The following TMPRSS7 variants were observed in gnomAD, a reference collection of about 807,000 sequenced individuals.
TMPRSS7 encodes transmembrane protease serine 7.
A neutral mutation model predicts 95.6 loss-of-function variants in TMPRSS7; 81 were observed. That is an observed-to-expected ratio of 0.85 (90% confidence interval 0.71 to 1.02). TMPRSS7 has a LOEUF of 1.02. TMPRSS7 is among the 50% of genes least tolerant of loss of function. The pLI is 0.00. For synonymous variants in TMPRSS7, 364 were observed against 337.8 expected (o/e 1.08, Z -0.85); for missense variants, 945 against 955.2 (o/e 0.99, Z 0.14).
chr3:112,057,090 G>A (rs1040622768), exon 10 of TMPRSS7: 6 of 1,613,362 alleles, frequency 3.7e-6, no homozygotes, highest in Non-Finnish European at 5.1e-6. Context: ...AGAAGAGTAT[G>A]AAAGGCTGTG....
chr3:112,050,528 A>AAAAAAAAAAAAAAG (rs2073332276), intron 8 of TMPRSS7, 143 bp from the exon 9 acceptor site: 1 of 355,724 alleles, frequency 2.8e-6, no homozygotes, highest in South Asian at 7.5e-5. Context: ...TTCTGAAAAA[A>AAAAAAAAAAAAAAG]AAAAAAAAAA....
At chr3:112,047,789 C>T in exon 7 of TMPRSS7, 2 of 1,614,064 alleles carry the variant, frequency 1.2e-6, no homozygotes, top group South Asian at 1.1e-5. Context: ...TCTCCACTAC[C>T]CGCTGGAGAT....
At chr3:112,072,886 G>A (rs2073667579) in intron 13 of TMPRSS7, among the ~76,000 whole-genome samples, 1 of 152,254 alleles carries the variant, frequency 6.6e-6, no homozygotes, top group East Asian at 1.9e-4. Flanking sequence ...ACGTGTGCAT[G>A]TGTCTTTATA....
In TMPRSS7 at chr3:112,066,516, C is replaced by A; in HGVS notation, c.1666+14C>A. On this transcript the variant is annotated intron_variant, in intron 13 of 17. Coordinates refer to ENST00000452346, the Ensembl canonical transcript of TMPRSS7. Reference sequence around the variant, plus strand: ...ACTGCACTCAAAGTGAGGGAGAGTCCTCTGTGCCCTGCTGTTCCTCCTATG... The same window carrying A: ...ACTGCACTCAAAGTGAGGGAGAGTCATCTGTGCCCTGCTGTTCCTCCTATG... 1.2e-6 allele frequency: 2 copies of A among 1,606,674 alleles called. No homozygotes were observed. Among genetic ancestry groups the A allele is most frequent in the South Asian group, 2.2e-5 (2 of 90,856 alleles).
At chr3:112,077,390 G>A (rs1317456759) in intron 16 of TMPRSS7, among the ~76,000 whole-genome samples, 3 of 152,124 alleles carry the variant, frequency 2.0e-5, no homozygotes, top group Admixed American at 2.0e-4. Context: ...AGGCAGGATT[G>A]ACTAGATAGT....
chr3:112,079,509 T>A (rs1446009527), intron 17 of TMPRSS7, among the ~76,000 whole-genome samples: 1 of 152,224 alleles, frequency 6.6e-6, no homozygotes, highest in African/African-American at 2.4e-5. Flanking sequence ...ACAAACTTTC[T>A]GAAAACATCA....
chr3:112,070,027 A>T (rs146354141), intron 13 of TMPRSS7, among the ~76,000 whole-genome samples: 1 of 152,094 alleles, frequency 6.6e-6, no homozygotes, highest in Non-Finnish European at 1.5e-5. Context: ...GGTACATTGC[A>T]TCTTTGTTCT....
chr3:112,073,873 A>G (rs1559963683), intron 13 of TMPRSS7, among the ~76,000 whole-genome samples: 1 of 152,208 alleles, frequency 6.6e-6, no homozygotes, highest in Non-Finnish European at 1.5e-5. Context: ...TTGTGAACAA[A>G]TGTGTTGTAA....
At chr3:112,067,763 T>C (rs2073594642) in intron 13 of TMPRSS7, among the ~76,000 whole-genome samples, 1 of 152,240 alleles carries the variant, frequency 6.6e-6, no homozygotes, top group Admixed American at 6.5e-5. Flanking sequence ...GCAAACATTT[T>C]CTCCCATTCT....
At chr3:112,048,867 T>A (rs2073311939) in intron 7 of TMPRSS7, among the ~76,000 whole-genome samples, 1 of 152,144 alleles carries the variant, frequency 6.6e-6, no homozygotes, top group Admixed American at 6.5e-5. Flanking sequence ...AGGAGCATAC[T>A]ATTATTATTA....
intron 4 of TMPRSS7, 65 bp downstream of exon 4, chr3:112,044,387 A>G (rs1411682094): frequency 1.5e-6 from 2 of 1,370,970 alleles, no homozygotes; most frequent in Non-Finnish European, 2.0e-6. Flanking sequence ...CAAGGCTATG[A>G]AAAGGCTGAG....
intron 13 of TMPRSS7, among the ~76,000 whole-genome samples, chr3:112,067,319 A>T (rs2073589651): frequency 6.6e-6 from 1 of 152,190 alleles, no homozygotes; most frequent in South Asian, 2.1e-4. Flanking sequence ...TAGTGGCATG[A>T]TTTATAATCC....
intron 4 of TMPRSS7, 91 bp from the exon 5 acceptor site, chr3:112,045,659 C>A (rs947962189): frequency 8.0e-7 from 1 of 1,256,858 alleles, no homozygotes; most frequent in Non-Finnish European, 1.1e-6. Flanking sequence ...GAAGGATGTG[C>A]TCATTGGCCT....
chr3:112,057,160 T>A, intron 10 of TMPRSS7, 29 bp downstream of exon 10: 1 of 1,475,880 alleles, frequency 6.8e-7, no homozygotes, highest in Non-Finnish European at 9.4e-7. Flanking sequence ...TTTTCATATG[T>A]GAGGCATCTG....
intron 13 of TMPRSS7, among the ~76,000 whole-genome samples, chr3:112,072,999 G>C (rs1018005996): frequency 2.6e-5 from 4 of 151,852 alleles, no homozygotes; most frequent in African/African-American, 9.7e-5. Context: ...ATACCATCTT[G>C]CACAATGGTT....
chr3:112,061,969 A>G, intron 11 of TMPRSS7, 46 bp downstream of exon 11: 1 of 1,436,832 alleles, frequency 7.0e-7, no homozygotes, highest in South Asian at 1.7e-5. Flanking sequence ...ACTTACATAG[A>G]GGATAACATT....
intron 3 of TMPRSS7, among the ~76,000 whole-genome samples, chr3:112,043,753 A>G (rs1014181871): frequency 1.3e-5 from 2 of 152,240 alleles, no homozygotes; most frequent in Non-Finnish European, 2.9e-5. Flanking sequence ...ATGAAGTTTT[A>G]AAATGGCTGG....
At chr3:112,076,582 A>G (rs1023848897) in intron 15 of TMPRSS7, among the ~76,000 whole-genome samples, 3 of 152,232 alleles carry the variant, frequency 2.0e-5, no homozygotes, top group Admixed American at 2.0e-4. Context: ...TGTGTGGTTC[A>G]TGAAATACTA....
chr3:112,058,760 C>T (rs1000566063), intron 10 of TMPRSS7, among the ~76,000 whole-genome samples: 7 of 152,104 alleles, frequency 4.6e-5, no homozygotes, highest in Admixed American at 1.3e-4. Flanking sequence ...ACAACAACGA[C>T]CCGGGATGTG....
Sources: gnomAD v4.1 joint callset for allele counts (sites outside exome capture counted in the v4.1 genomes callset) on GRCh38, gnomAD v4.1.1 for gene constraint, MANE v1.5 for transcripts, NCBI Gene and HGNC (gene_info 2026-07-23, HGNC 2026-07-21) for gene names.